The following CHST11 variants were observed in gnomAD, a reference collection of about 807,000 sequenced individuals.
CHST11 encodes the protein carbohydrate sulfotransferase 11.
A neutral mutation model predicts 30.4 loss-of-function variants in CHST11; 9 were observed. The ratio of observed to expected loss-of-function variants is 0.30; its 90% CI spans 0.18 to 0.52. The LOEUF (loss-of-function observed/expected upper bound fraction) is 0.52. Ranked by LOEUF, CHST11 falls within the 20% of genes least tolerant of loss-of-function variation. The pLI, the probability that CHST11 is intolerant of heterozygous loss-of-function variation, is 0.97. For missense variants in CHST11, 348 were observed against 460.6 expected (o/e 0.76, Z 2.24); for synonymous variants, 152 against 187.8 (o/e 0.81, Z 1.56).
chr12:104,512,911 T>C (rs1326367242), intron 1 of CHST11, among the ~76,000 whole-genome samples: 1 of 152,092 alleles, frequency 6.6e-6, no homozygotes, highest in African/African-American at 2.4e-5. Context: ...AGATGTTTTC[T>C]TGGAGACTCC....
intron 2 of CHST11, among the ~76,000 whole-genome samples, chr12:104,721,493 C>T (rs2040176342): frequency 6.6e-6 from 1 of 152,170 alleles, no homozygotes; most frequent in Non-Finnish European, 1.5e-5. Flanking sequence ...AATAGGAATG[C>T]TAATGGTATT....
At chr12:104,556,980 CAAAAA>C (rs529711471) in intron 1 of CHST11, among the ~76,000 whole-genome samples, 1 of 77,200 alleles carries the variant, frequency 1.3e-5, no homozygotes, top group Admixed American at 1.4e-4. Flanking sequence ...GACTCTGTCT[CAAAAA>C]AAAAAAAAAA....
chr12:104,638,108 T>C (rs1039716953), intron 2 of CHST11, among the ~76,000 whole-genome samples: 1 of 152,116 alleles, frequency 6.6e-6, no homozygotes, highest in African/African-American at 2.4e-5. Context: ...AAATGGGTCT[T>C]CCGGGTCATA....
chr12:104,713,519 A>T (rs959877658), intron 2 of CHST11, among the ~76,000 whole-genome samples: 9 of 152,200 alleles, frequency 5.9e-5, no homozygotes, highest in Non-Finnish European at 1.3e-4. Context: ...ACGGCTCTGT[A>T]TGAAGATAAA....
intron 1 of CHST11, among the ~76,000 whole-genome samples, chr12:104,583,576 C>G (rs369302733): frequency 1.3e-5 from 2 of 152,302 alleles, no homozygotes; most frequent in East Asian, 1.9e-4. Context: ...ATTTTCAGAT[C>G]GATTCTGACA....
chr12:104,675,733 A>G (rs1171140545), intron 2 of CHST11, among the ~76,000 whole-genome samples: 1 of 152,232 alleles, frequency 6.6e-6, no homozygotes, highest in Non-Finnish European at 1.5e-5. Context: ...TGGGATTAAT[A>G]ACATTGCCAT....
intron 1 of CHST11, among the ~76,000 whole-genome samples, chr12:104,598,564 C>G (rs1229607810): frequency 6.6e-6 from 1 of 152,198 alleles, no homozygotes; most frequent in African/African-American, 2.4e-5. Flanking sequence ...CCATCTCCCC[C>G]TCCTTCTGAT....
chr12:104,498,310 C>A (rs2037820228), intron 1 of CHST11, among the ~76,000 whole-genome samples: 1 of 152,174 alleles, frequency 6.6e-6, no homozygotes, highest in Non-Finnish European at 1.5e-5. Context: ...ATCTCTGTCA[C>A]TCTTCTCCCT....
chr12:104,677,935 A>G (rs1251950346), intron 2 of CHST11, among the ~76,000 whole-genome samples: 3 of 151,884 alleles, frequency 2.0e-5, no homozygotes, highest in Non-Finnish European at 2.9e-5. Flanking sequence ...TGCTGTTCCC[A>G]CTCCTGGAAC....
chr12:104,734,722 G>A (rs2040285368), intron 2 of CHST11, among the ~76,000 whole-genome samples: 1 of 152,196 alleles, frequency 6.6e-6, no homozygotes, highest in South Asian at 2.1e-4. Flanking sequence ...AGGCACTCAG[G>A]GAAGTGCCCC....
chr12:104,696,669 A>G (rs925802781), intron 2 of CHST11, among the ~76,000 whole-genome samples: 8 of 152,048 alleles, frequency 5.3e-5, no homozygotes, highest in Non-Finnish European at 1.0e-4. Flanking sequence ...CGGTCTCAAA[A>G]AAAGAATAAA....
chr12:104,663,742 C>T (rs971758456), intron 2 of CHST11, among the ~76,000 whole-genome samples: 2 of 152,154 alleles, frequency 1.3e-5, no homozygotes, highest in African/African-American at 4.8e-5. Flanking sequence ...GCTTTAATGT[C>T]ATTTCAAGGG....
At chr12:104,679,717 C>G (rs938812503) in intron 2 of CHST11, among the ~76,000 whole-genome samples, 13 of 152,256 alleles carry the variant, frequency 8.5e-5, no homozygotes, top group Middle Eastern at 6.8e-3. Flanking sequence ...CTTTCTTTCC[C>G]TTTTGGAAAC....
At chr12:104,472,285 A>G (rs1365827594) in intron 1 of CHST11, among the ~76,000 whole-genome samples, 1 of 151,776 alleles carries the variant, frequency 6.6e-6, no homozygotes, top group African/African-American at 2.4e-5. Flanking sequence ...CCATTTTCTT[A>G]AGGGGATGTT....
intron 2 of CHST11, among the ~76,000 whole-genome samples, chr12:104,635,959 C>T (rs767783151): frequency 3.9e-5 from 6 of 152,292 alleles, no homozygotes; most frequent in South Asian, 4.2e-4. Context: ...GTTTTCATTC[C>T]GGACAGGATG....
At chr12:104,684,285 T>G (rs2039825131) in intron 2 of CHST11, among the ~76,000 whole-genome samples, 1 of 151,730 alleles carries the variant, frequency 6.6e-6, no homozygotes. Flanking sequence ...GATGGATGGA[T>G]GGATGGATGG....
At chr12:104,488,485 G>A (rs899613649) in intron 1 of CHST11, among the ~76,000 whole-genome samples, 1 of 151,950 alleles carries the variant, frequency 6.6e-6, no homozygotes, top group African/African-American at 2.4e-5. Context: ...ATGTGTATGA[G>A]TGTGTGTATG....
chr12:104,543,780 C>A (rs1049227561), intron 1 of CHST11, among the ~76,000 whole-genome samples: 1 of 152,120 alleles, frequency 6.6e-6, no homozygotes, highest in Non-Finnish European at 1.5e-5. Context: ...AGATTCCTTC[C>A]AGTCAAGGAG....
chr12:104,473,193 A>G (rs577007827), intron 1 of CHST11, among the ~76,000 whole-genome samples: 59 of 152,012 alleles, frequency 3.9e-4, no homozygotes, highest in Middle Eastern at 3.2e-3. Context: ...AATCGTTTCT[A>G]TTATCATCAT....
Sources: allele counts gnomAD v4.1 joint callset (sites outside exome capture counted in the v4.1 genomes callset), GRCh38; gene constraint gnomAD v4.1.1; transcripts MANE v1.5; gene names NCBI Gene and HGNC (gene_info 2026-07-23, HGNC 2026-07-21).